Variants in PCDH11X observed in about 807,000 individuals in gnomAD.
PCDH11X encodes protocadherin-11 X-linked.
PCDH11X carries 18 observed loss-of-function variants against 53.3 expected under a neutral mutation model. The ratio of observed to expected loss-of-function variants is 0.34; its 90% CI spans 0.23 to 0.50. The LOEUF (loss-of-function observed/expected upper bound fraction) is 0.50. PCDH11X is among the 20% of genes least tolerant of loss of function. The pLI, the probability that PCDH11X is intolerant of heterozygous loss-of-function variation, is 0.98. For synonymous variants in PCDH11X, 279 were observed against 393.3 expected (o/e 0.71, Z 3.44); for missense variants, 570 against 1,032.4 (o/e 0.55, Z 6.14).
intron 6 of PCDH11X, chrX:92,114,243 G>A (rs878930015): frequency 8.2e-6 from 8 of 971,180 alleles, no homozygotes; most frequent in Non-Finnish European, 1.2e-5. Flanking sequence ...AGGCTTGAGC[G>A]ATTACATTAT....
chrX:91,913,783 G>A (rs76541524), intron 6 of PCDH11X, among the ~76,000 whole-genome samples: 1 of 109,813 alleles, frequency 9.1e-6, no homozygotes, highest in African/African-American at 3.3e-5. Context: ...CCTCTTAGCT[G>A]GAGGCCAACC....
At chrX:92,117,359 C>A (rs1360507084) in intron 6 of PCDH11X, among the ~76,000 whole-genome samples, 1 of 108,935 alleles carries the variant, frequency 9.2e-6, no homozygotes, top group Non-Finnish European at 1.9e-5. Context: ...TCACTTGAAC[C>A]TGGGGGTGGG....
At chrX:92,214,517 A>C (rs2066652218) in intron 7 of PCDH11X, among the ~76,000 whole-genome samples, 1 of 111,511 alleles carries the variant, frequency 9.0e-6, no homozygotes, top group African/African-American at 3.3e-5. Flanking sequence ...ATTCTTGTAG[A>C]ATTGCCATGA....
At chrX:92,412,021 G>C in intron 9 of PCDH11X, among the ~76,000 whole-genome samples, 1 of 83,894 alleles carries the variant, frequency 1.2e-5, no homozygotes, top group Admixed American at 1.3e-4. Context: ...AAGAAGAGGA[G>C]GAGGGGTGAG....
intron 6 of PCDH11X, among the ~76,000 whole-genome samples, chrX:91,945,048 C>CATATAGATATATATATAT (rs2061556096): frequency 1.6e-5 from 1 of 63,242 alleles, no homozygotes; most frequent in South Asian, 8.5e-4. Context: ...ACATCATATA[C>CATATAGATATATATATAT]ATATATATAT....
chrX:92,603,087 A>G (rs997793829), intron 10 of PCDH11X, among the ~76,000 whole-genome samples: 39 of 107,546 alleles, frequency 3.6e-4, no homozygotes, highest in African/African-American at 1.3e-3. Flanking sequence ...GCACAAAAAT[A>G]CCAAATGGAA....
intron 6 of PCDH11X, among the ~76,000 whole-genome samples, chrX:91,962,659 T>G (rs1175616776): frequency 1.8e-5 from 2 of 111,416 alleles, no homozygotes; most frequent in African/African-American, 6.5e-5. Context: ...GGAGACTCTT[T>G]TTGGGGCCTC....
chrX:91,982,047 G>T (rs140587500), intron 6 of PCDH11X, among the ~76,000 whole-genome samples: 123 of 110,845 alleles, frequency 1.1e-3, no homozygotes, highest in African/African-American at 3.8e-3. Context: ...ATACTCTGGT[G>T]CAAGGGCTAA....
chrX:92,486,727 A>G, intron 10 of PCDH11X, among the ~76,000 whole-genome samples: 1 of 110,744 alleles, frequency 9.0e-6, no homozygotes, highest in Non-Finnish European at 1.9e-5. Flanking sequence ...AAATATTGAT[A>G]TAAGCAAATA....
At chrX:92,087,003 C>T (rs909002593) in intron 6 of PCDH11X, among the ~76,000 whole-genome samples, 1 of 110,122 alleles carries the variant, frequency 9.1e-6, no homozygotes, top group Non-Finnish European at 1.9e-5. Context: ...ACAGCCTGAG[C>T]TCCATAGTTG....
rs180762786 is a variant in PCDH11X, at chrX:92,576,856, C to T, written c.3368-41408C>T. On this transcript the variant is annotated intron_variant, in intron 10 of 10. Coordinates refer to ENST00000682573, the MANE Select transcript of PCDH11X (RefSeq NM_032968.5). Reference sequence around the variant, plus strand: ...TAGGAAAACAGTAGTTTATATTCTACAGTTACAGTGTTATAATATTGTTTT... The same window carrying T: ...TAGGAAAACAGTAGTTTATATTCTATAGTTACAGTGTTATAATATTGTTTT... 4.5e-5 allele frequency among the ~76,000 whole-genome samples: 5 copies of T among 111,206 alleles called. No individual in the cohort carries two copies. In the East Asian group the frequency reaches 1.4e-3, roughly 32 times the overall value.
rs191425459 is a variant in PCDH11X, at chrX:92,380,419, A to C, written c.3145-7316A>C. ...TGGAATAAGCCCAGTGGGCCCGAGCAAAACTCGAGCAAAGGCACCATCGGC... is the reference window on the plus strand; with the variant it reads ...TGGAATAAGCCCAGTGGGCCCGAGCCAAACTCGAGCAAAGGCACCATCGGC... On this transcript the variant is annotated intron_variant, in intron 8 of 10. Transcript: ENST00000682573. 3.6e-5 allele frequency among the ~76,000 whole-genome samples: 4 copies of C among 112,292 alleles called. No individual in the cohort carries two copies. The East Asian group carries it at 1.1e-3, about 32-fold the overall frequency.
intron 6 of PCDH11X, among the ~76,000 whole-genome samples, chrX:91,901,544 A>T (rs776345531): frequency 9.0e-6 from 1 of 110,657 alleles, no homozygotes; most frequent in East Asian, 2.8e-4. Flanking sequence ...TGTAAGTATT[A>T]CTCTCTTTTC....
At chrX:92,231,407 A>G (rs1770806388) in intron 7 of PCDH11X, among the ~76,000 whole-genome samples, 1 of 111,807 alleles carries the variant, frequency 8.9e-6, no homozygotes, top group African/African-American at 3.2e-5. Flanking sequence ...AAATTGCCAG[A>G]TCATTTGAAA....
At chrX:92,472,015 A>G (rs150013661) in intron 10 of PCDH11X, among the ~76,000 whole-genome samples, 323 of 111,054 alleles carry the variant, frequency 2.9e-3, no homozygotes, top group African/African-American at 9.8e-3. Flanking sequence ...GACCTTTGTC[A>G]GATACAGAGT....
At chrX:92,228,855 T>A (rs1215882929) in intron 7 of PCDH11X, among the ~76,000 whole-genome samples, 1 of 111,871 alleles carries the variant, frequency 8.9e-6, no homozygotes, top group Non-Finnish European at 1.9e-5. Context: ...AAGTGGTGAT[T>A]AACTTTTTCA....
At chrX:92,460,114 G>T in intron 9 of PCDH11X, 3 of 1,077,917 alleles carry the variant, frequency 2.8e-6, no homozygotes, top group South Asian at 1.8e-5. Flanking sequence ...TGCCTGCATC[G>T]TTCTGCATAT....
chrX:91,962,093 C>T (rs1277024298), intron 6 of PCDH11X, among the ~76,000 whole-genome samples: 2 of 104,516 alleles, frequency 1.9e-5, no homozygotes, highest in Non-Finnish European at 3.9e-5. Context: ...ACCCCGGCCC[C>T]TTCCAAATCT....
chrX:92,363,448 T>C (rs2070391782), intron 8 of PCDH11X, among the ~76,000 whole-genome samples: 1 of 111,158 alleles, frequency 9.0e-6, no homozygotes, highest in African/African-American at 3.3e-5. Context: ...TATTTTCATA[T>C]TGTTCATTGT....
Sources: gnomAD v4.1 joint callset for allele counts (sites outside exome capture counted in the v4.1 genomes callset) on GRCh38, gnomAD v4.1.1 for gene constraint, MANE v1.5 for transcripts, NCBI Gene and HGNC (gene_info 2026-07-23, HGNC 2026-07-21) for gene names.